TXNDC17: variants seen among roughly 807,000 people sequenced by gnomAD.
TXNDC17 encodes the protein thioredoxin domain-containing protein 17.
A neutral mutation model predicts 16.3 loss-of-function variants in TXNDC17; 12 were observed. The observed-to-expected ratio is 0.74, with a 90% CI of 0.47 to 1.19. TXNDC17 has a LOEUF of 1.19. TXNDC17 is among the 50% of genes most tolerant of loss of function. The pLI, the probability that TXNDC17 is intolerant of heterozygous loss-of-function variation, is 0.00. For synonymous variants in TXNDC17, 62 were observed against 55.0 expected (o/e 1.13, Z -0.56); for missense variants, 158 against 149.7 (o/e 1.06, Z -0.29).
At chr17:6,641,269 A>AG in intron 1 of TXNDC17, 42 bp downstream of exon 1, 1 of 1,608,570 alleles carries the variant, frequency 6.2e-7, no homozygotes, top group South Asian at 1.1e-5. Context: ...TGGAAATGGC[A>AG]GGAAGGTCGA....
At position 6,644,260 on chromosome 17, in the gene TXNDC17, T is replaced by TA; in HGVS notation, c.*1242dup. ...AAATGCGTAAAAAAGAAAAACACCTTACAAATCCACAGGGAAATCAAAGAA... is the reference window on the plus strand; with the variant it reads ...AAATGCGTAAAAAAGAAAAACACCTTAACAAATCCACAGGGAAATCAAAGAA... On this transcript the variant is annotated 3_prime_UTR_variant, in exon 4 of 4. Coordinates refer to ENST00000250101, the MANE Select transcript of TXNDC17 (RefSeq NM_032731.4). 1 of 586,446 alleles carries TA rather than the reference T, an allele frequency of 1.7e-6. No individual in the cohort carries two copies. Among genetic ancestry groups the TA allele is most frequent in the Non-Finnish European group, 2.7e-6 (1 of 372,050 alleles). 36.3% of individuals were successfully genotyped at this position (586,446 alleles called of 1,614,324 possible).
intron 2 of TXNDC17, 96 bp downstream of exon 2, chr17:6,641,930 A>G: frequency 9.2e-7 from 1 of 1,088,486 alleles, no homozygotes; most frequent in Non-Finnish European, 1.4e-6. Context: ...TTTGTCTTAC[A>G]AGGTAATGTC....
chr17:6,644,153 T>C lies in TXNDC17; in HGVS notation c.*1134T>C, dbSNP rs1358644915. 2.3e-6 allele frequency: 1 copy of C among 426,960 alleles called. No individual in the cohort carries two copies. The highest frequency in any genetic ancestry group is 4.1e-6 in the Non-Finnish European group (1 of 242,366). 26.4% of individuals were successfully genotyped at this position (426,960 alleles called of 1,614,324 possible). On this transcript the variant is annotated 3_prime_UTR_variant, in exon 4 of 4. Coordinates refer to ENST00000250101, the MANE Select transcript of TXNDC17 (RefSeq NM_032731.4). Reference sequence around the variant, plus strand: ...TAGCCTTAGAATTCAGTATACTTGGTGGCCCACCCCTACCCCATGCCCCAG... The same window carrying C: ...TAGCCTTAGAATTCAGTATACTTGGCGGCCCACCCCTACCCCATGCCCCAG...
In TXNDC17 at chr17:6,641,736, C is replaced by T. The variant is rs900278538; in HGVS notation, c.146-17C>T. 1.2e-6 allele frequency: 2 copies of T among 1,612,878 alleles called. No homozygotes were observed. Among genetic ancestry groups the T allele is most frequent in the Non-Finnish European group, 1.7e-6 (2 of 1,178,884 alleles). The stretch of plus-strand genomic sequence containing the variant: ...TAGAGTTGACGTGCGATTATTTTAT[C>T]TCAACTTTTTTTAAAGCTGAACCAG... On this transcript the variant is annotated splice_polypyrimidine_tract_variant and intron_variant, in intron 1 of 3. Coordinates refer to ENST00000250101, the MANE Select transcript of TXNDC17 (RefSeq NM_032731.4).
In TXNDC17 at chr17:6,641,487, A is replaced by G; in HGVS notation, c.145+260A>G. 4.7e-6 allele frequency: 3 copies of G among 635,872 alleles called. No homozygotes were observed. In the South Asian group the frequency reaches 5.9e-5, roughly 13 times the overall value. 39.4% of individuals were successfully genotyped at this position (635,872 alleles called of 1,614,324 possible). A position where few individuals can be genotyped will look rare whatever the true frequency, so the allele number is the denominator to read the frequency against. On this transcript the variant is annotated intron_variant, in intron 1 of 3. Coordinates refer to ENST00000250101, the MANE Select transcript of TXNDC17 (RefSeq NM_032731.4). ...CCCAGTACCATTAGTGTCTTACAGG[A>G]TACGTGAGTTGGTCAGCAAATACAT...
intron 1 of TXNDC17, 160 bp downstream of exon 1, chr17:6,641,387 C>A: frequency 9.4e-7 from 1 of 1,058,926 alleles, no homozygotes; most frequent in Non-Finnish European, 1.3e-6. Context: ...CTACCCCGCC[C>A]TGCCAAGAGC....
Position 6,644,231 on chromosome 17 carries a change from T to C in TXNDC17, c.*1212T>C. ...TTTTCCATTCTTAATCAGCTGATTA[T>C]GCTAAATGCGTAAAAAAGAAAAACA... On this transcript the variant is annotated 3_prime_UTR_variant, in exon 4 of 4. Transcript: ENST00000250101. 1.9e-6 allele frequency: 1 copy of C among 526,562 alleles called. No homozygotes were observed. The allele number at this position is 526,562 out of a possible 1,614,324, so 32.6% of individuals were successfully genotyped here.
At position 6,643,830 on chromosome 17, in the gene TXNDC17, ATGTT is replaced by A. The variant is rs1190503001; in HGVS notation, c.*816_*819del. 1.8e-5 allele frequency: 6 copies of A among 326,712 alleles called. No individual in the cohort carries two copies. In the East Asian group the frequency reaches 2.4e-4, roughly 13 times the overall value. 20.2% of individuals were successfully genotyped at this position (326,712 alleles called of 1,614,324 possible). A position where few individuals can be genotyped will look rare whatever the true frequency, so the allele number is the denominator to read the frequency against. On this transcript the variant is annotated 3_prime_UTR_variant, in exon 4 of 4. Coordinates refer to ENST00000250101, the MANE Select transcript of TXNDC17 (RefSeq NM_032731.4). ...TGAACACAAGTATTTGAGGCTCCTC[ATGTT>A]TGTTCTAAAGTCAAGAGTCCAGTTA... is the stretch of plus-strand genomic sequence containing the variant.
Position 6,642,942 on chromosome 17 carries a change from C to T in TXNDC17, c.304-9C>T. On this transcript the variant is annotated splice_polypyrimidine_tract_variant and intron_variant, in intron 3 of 3. Coordinates refer to ENST00000250101, the MANE Select transcript of TXNDC17 (RefSeq NM_032731.4). Reference sequence around the variant, plus strand: ...AAGTAGTGAAGATTTGACTGTTTTTCTCTTACAGCCTCAAAAACTGGTAGA... The same window carrying T: ...AAGTAGTGAAGATTTGACTGTTTTTTTCTTACAGCCTCAAAAACTGGTAGA... The T allele has an allele frequency of 6.2e-7, 1 of 1,610,756 alleles. No homozygotes were observed. The highest frequency in any genetic ancestry group is 2.2e-5 in the East Asian group (1 of 44,838).
rs750344632 is a variant in TXNDC17, at chr17:6,641,131, C to G, written c.49C>G (p.Arg17Gly). Residue 17 changes from arginine to glycine, a missense_variant, in exon 1 of 4, where the codon CGG becomes GGG. By Grantham distance (125) the Arg-to-Gly change is moderately radical (BLOSUM62 -2). Coordinates refer to ENST00000250101, the MANE Select transcript of TXNDC17 (RefSeq NM_032731.4). ...CGTGTCCGGCTTCGAGGAGTTCCACCGGGCCGTGGAACAGCACAATGGCAA... is the reference window on the plus strand; with the variant it reads ...CGTGTCCGGCTTCGAGGAGTTCCACGGGGCCGTGGAACAGCACAATGGCAA... The part of the protein sequence containing the change: ...VSVSGFEEFH[R>G]AVEQHNGKTI... The G allele has an allele frequency of 6.2e-7, 1 of 1,613,638 alleles. No individual in the cohort carries two copies. The highest frequency in any genetic ancestry group is 8.5e-7 in the Non-Finnish European group (1 of 1,179,998).
chr17:6,642,640 G>C, intron 3 of TXNDC17: 1 of 458,350 alleles, frequency 2.2e-6, no homozygotes, highest in Non-Finnish European at 3.9e-6. Flanking sequence ...ATCTCTTCTA[G>C]TTCAGTCATG....
intron 1 of TXNDC17, 77 bp from the exon 2 acceptor site, chr17:6,641,676 A>G: frequency 7.2e-7 from 1 of 1,380,822 alleles, no homozygotes; most frequent in Non-Finnish European, 1.0e-6. Context: ...GACTGGGGGA[A>G]GGGGGAAAGA....
chr17:6,642,668 TAA>T (rs1411199669), intron 3 of TXNDC17: 3 of 462,614 alleles, frequency 6.5e-6, no homozygotes, highest in African/African-American at 4.0e-5. Context: ...GATCCTAAAT[TAA>T]AGAGTTGAGG....
intron 2 of TXNDC17, 141 bp from the exon 3 acceptor site, chr17:6,642,108 A>C (rs1972689458): frequency 2.9e-6 from 2 of 678,752 alleles, no homozygotes; most frequent in Admixed American, 5.7e-5. Flanking sequence ...TTAGTAGATT[A>C]AGCCATAGTC....
rs1196025884 is a variant in TXNDC17, at chr17:6,643,367, A to G, written c.*348A>G. ...GTTATCTCCATCTGCAAAGCAACTG[A>G]TGATATTCCTGAAACCCCTTCTTTG... On this transcript the variant is annotated 3_prime_UTR_variant, in exon 4 of 4. Coordinates refer to ENST00000250101, the MANE Select transcript of TXNDC17 (RefSeq NM_032731.4). 1.1e-5 allele frequency: 2 copies of G among 186,720 alleles called. No individual in the cohort carries two copies. The highest frequency in any genetic ancestry group is 2.2e-5 in the Non-Finnish European group (2 of 90,012). 11.6% of individuals were successfully genotyped at this position (186,720 alleles called of 1,614,324 possible). A position where few individuals can be genotyped will look rare whatever the true frequency, so the allele number is the denominator to read the frequency against.
rs1355282898 is a variant in TXNDC17 at position 6,644,047 on chromosome 17, T to TA, written c.*1029dup. On this transcript the variant is annotated 3_prime_UTR_variant, in exon 4 of 4. Transcript: ENST00000250101. ...TGACTCCGCTACTCTCACTACATCT[T>TA]AGAGTAGAGTGGTAGAGTAGTTGAT... 2 of 402,746 alleles carry TA rather than the reference T, an allele frequency of 5.0e-6. No homozygotes were observed. Among genetic ancestry groups the TA allele is most frequent in the Non-Finnish European group, 8.8e-6 (2 of 228,546 alleles). The allele number at this position is 402,746 out of a possible 1,614,324, so 24.9% of individuals were successfully genotyped here. A position where few individuals can be genotyped will look rare whatever the true frequency, so the allele number is the denominator to read the frequency against.
At position 6,644,489 on chromosome 17, in the gene TXNDC17, T is replaced by C; in HGVS notation, c.*1470T>C. 2 of 1,604,260 alleles carry C rather than the reference T, an allele frequency of 1.2e-6. No homozygotes were observed. Among genetic ancestry groups the C allele is most frequent in the Non-Finnish European group, 1.7e-6 (2 of 1,176,464 alleles). ...TTTTCATTTTCCCGATGTGTTATTT[T>C]GCTGTTGCTGCTCTGCCAAGGCTTG... On this transcript the variant is annotated 3_prime_UTR_variant, in exon 4 of 4. Coordinates refer to ENST00000250101, the MANE Select transcript of TXNDC17 (RefSeq NM_032731.4).
At position 6,643,068 on chromosome 17, in the gene TXNDC17, CAAT is replaced by C. The variant is rs1176927060; in HGVS notation, c.*52_*54del. ...TTGATGTCCTGATTTGTTCTAGTAT[CAAT>C]AAACTGTATACTTGCTTTGAATTCA... On this transcript the variant is annotated 3_prime_UTR_variant, in exon 4 of 4. Coordinates refer to ENST00000250101, the MANE Select transcript of TXNDC17 (RefSeq NM_032731.4). 2.1e-6 allele frequency: 3 copies of C among 1,463,172 alleles called. No homozygotes were observed. The highest frequency in any genetic ancestry group is 2.9e-6 in the Non-Finnish European group (3 of 1,044,426). The allele number at this position is 1,463,172 out of a possible 1,614,324, so 90.6% of individuals were successfully genotyped here. A position where few individuals can be genotyped will look rare whatever the true frequency, so the allele number is the denominator to read the frequency against.
chr17:6,643,053 G>C lies in TXNDC17; in HGVS notation c.*34G>C, dbSNP rs1364754591. 1.3e-6 allele frequency: 2 copies of C among 1,567,156 alleles called. No individual in the cohort carries two copies. The highest frequency in any genetic ancestry group is 2.7e-5 in the African/African-American group (2 of 73,886). On this transcript the variant is annotated 3_prime_UTR_variant, in exon 4 of 4. Coordinates refer to ENST00000250101, the MANE Select transcript of TXNDC17 (RefSeq NM_032731.4). The stretch of plus-strand genomic sequence containing the variant: ...GATGGCAATCATGTCTTGATGTCCT[G>C]ATTTGTTCTAGTATCAATAAACTGT...
Sources: allele counts gnomAD v4.1 joint callset, GRCh38; gene constraint gnomAD v4.1.1; transcripts MANE v1.5; gene names NCBI Gene and HGNC (gene_info 2026-07-23, HGNC 2026-07-21).